The following DTNBP1 variants were observed in gnomAD, a reference collection of about 807,000 sequenced individuals.
The protein encoded by DTNBP1 is dysbindin.
A neutral mutation model predicts 42.8 loss-of-function variants in DTNBP1; 35 were observed. The observed-to-expected ratio is 0.82, with a 90% CI of 0.63 to 1.09. The LOEUF is 1.09. DTNBP1 is among the 50% of genes least tolerant of loss of function. The pLI is 0.00. For missense variants in DTNBP1, 457 were observed against 424.2 expected (o/e 1.08, Z -0.68); for synonymous variants, 171 against 162.2 (o/e 1.05, Z -0.41).
intron 7 of DTNBP1, among the ~76,000 whole-genome samples, chr6:15,565,809 T>G (rs1005493477): frequency 6.6e-6 from 1 of 152,200 alleles, no homozygotes; most frequent in Non-Finnish European, 1.5e-5. Context: ...ATGGTACACT[T>G]AGAATGGGAA....
At chr6:15,625,846 A>G (rs953861710) in intron 5 of DTNBP1, among the ~76,000 whole-genome samples, 1 of 152,230 alleles carries the variant, frequency 6.6e-6, no homozygotes, top group Non-Finnish European at 1.5e-5. Flanking sequence ...AGTGGCTAAG[A>G]AGAATGTTCC....
At chr6:15,583,572 A>G (rs548847326) in intron 7 of DTNBP1, among the ~76,000 whole-genome samples, 1 of 152,320 alleles carries the variant, frequency 6.6e-6, no homozygotes, top group South Asian at 2.1e-4. Context: ...TCAACAGACA[A>G]AGTCTCTTGT....
In DTNBP1 at chr6:15,628,371, C is replaced by A. The variant is rs185668042; in HGVS notation, c.223-896G>T. Among the ~76,000 whole-genome samples the A allele has an allele frequency of 7.1e-5, 10 of 140,832 alleles. No homozygotes were observed. In the East Asian group the frequency reaches 1.7e-3, roughly 23 times the overall value. The allele number at this position is 140,832 out of a possible 152,430, so 92.4% of individuals were successfully genotyped here. A position where few individuals can be genotyped will look rare whatever the true frequency, so the allele number is the denominator to read the frequency against. ...AATGAATTTGAGTATTCAAAACAGA[C>A]AATTTGTACATCTCAAGATTAAGGT... is the stretch of plus-strand genomic sequence containing the variant. On this transcript the variant is annotated intron_variant, in intron 4 of 9. Transcript: ENST00000344537.
intron 7 of DTNBP1, among the ~76,000 whole-genome samples, chr6:15,558,639 C>T (rs767237029): frequency 1.3e-5 from 2 of 152,136 alleles, no homozygotes; most frequent in African/African-American, 2.4e-5. Context: ...AAAGAACTTC[C>T]AACACTCTCT....
chr6:15,544,519 C>T (rs1044065502), intron 7 of DTNBP1, among the ~76,000 whole-genome samples: 2 of 152,198 alleles, frequency 1.3e-5, no homozygotes, highest in Non-Finnish European at 2.9e-5. Context: ...CATTTTACAT[C>T]CCCATCATCA....
chr6:15,651,303 A>G lies in DTNBP1; in HGVS notation c.161+10T>C, dbSNP rs749636871. 2.5e-6 allele frequency: 4 copies of G among 1,611,428 alleles called. No homozygotes were observed. In the East Asian group the frequency reaches 8.9e-5, roughly 36 times the overall value. ...GAAGTATAACCTTCCTCTACAAATG[A>G]AACACTTACCTGCTAAGTAATTCTA... On this transcript the variant is annotated intron_variant, in intron 3 of 9. Coordinates refer to ENST00000344537, the MANE Select transcript of DTNBP1 (RefSeq NM_032122.5).
At chr6:15,627,962 T>C (rs1268174976) in intron 4 of DTNBP1, among the ~76,000 whole-genome samples, 3 of 152,190 alleles carry the variant, frequency 2.0e-5, no homozygotes, top group East Asian at 3.8e-4. Context: ...GGAATACTTA[T>C]TGCATAAAGT....
At chr6:15,584,601 A>G (rs917506804) in intron 7 of DTNBP1, among the ~76,000 whole-genome samples, 1 of 151,894 alleles carries the variant, frequency 6.6e-6, no homozygotes, top group Admixed American at 6.6e-5. Context: ...GGCGTGAGAG[A>G]GGGACACAAA....
At chr6:15,627,713 G>C (rs959611503) in intron 4 of DTNBP1, among the ~76,000 whole-genome samples, 1 of 150,176 alleles carries the variant, frequency 6.7e-6, no homozygotes, top group Non-Finnish European at 1.5e-5. Context: ...AGAAGAGAAA[G>C]TTTAAAAATG....
chr6:15,603,800 G>A (rs1302385032), intron 6 of DTNBP1, among the ~76,000 whole-genome samples: 2 of 152,160 alleles, frequency 1.3e-5, no homozygotes, highest in Non-Finnish European at 2.9e-5. Flanking sequence ...CAGTAATTAT[G>A]AGTTTTCCCA....
Position 15,550,314 on chromosome 6 carries a change from CT to C in DTNBP1, c.512-16920del, listed in dbSNP as rs559477562. On this transcript the variant is annotated intron_variant, in intron 7 of 9. Transcript: ENST00000344537. ...CTTTTCAAGTTTAAGAATGGGTATACTTTTTTGGCAATTTACGAGATAGTAT... is the reference window on the plus strand; with the variant it reads ...CTTTTCAAGTTTAAGAATGGGTATACTTTTTGGCAATTTACGAGATAGTAT... Among the ~76,000 whole-genome samples the C allele has an allele frequency of 2.6e-5, 4 of 152,040 alleles. No individual in the cohort carries two copies. The South Asian group carries it at 8.3e-4, about 32-fold the overall frequency.
intron 1 of DTNBP1, among the ~76,000 whole-genome samples, chr6:15,658,808 T>G (rs1562019186): frequency 6.6e-6 from 1 of 152,202 alleles, no homozygotes; most frequent in Non-Finnish European, 1.5e-5. Flanking sequence ...TCCAAAAGGC[T>G]CCAAGAATTC....
intron 7 of DTNBP1, among the ~76,000 whole-genome samples, chr6:15,583,115 G>C (rs1775909074): frequency 6.6e-6 from 1 of 152,106 alleles, no homozygotes; most frequent in Admixed American, 6.6e-5. Context: ...CAAGTAGGTA[G>C]GGTTACAGGT....
intron 4 of DTNBP1, 27 bp from the exon 5 acceptor site, chr6:15,627,502 G>T (rs1215146174): frequency 6.2e-7 from 1 of 1,613,106 alleles, no homozygotes; most frequent in East Asian, 2.2e-5. Flanking sequence ...GGGGGGTAAA[G>T]TGAAACCAGG....
intron 4 of DTNBP1, among the ~76,000 whole-genome samples, chr6:15,636,834 T>C (rs1760057324): frequency 6.6e-6 from 1 of 152,232 alleles, no homozygotes; most frequent in Non-Finnish European, 1.5e-5. Context: ...CTGTTCTGTT[T>C]TGTTGTGTTG....
intron 6 of DTNBP1, among the ~76,000 whole-genome samples, chr6:15,610,453 T>C (rs1441076481): frequency 6.6e-6 from 1 of 152,172 alleles, no homozygotes; most frequent in African/African-American, 2.4e-5. Context: ...AACCCTACAA[T>C]GGCCTCTAAT....
Position 15,619,907 on chromosome 6 carries a change from C to CTT in DTNBP1, c.356-4510_356-4509dup, listed in dbSNP as rs67536821. On this transcript the variant is annotated intron_variant, in intron 5 of 9. Coordinates refer to ENST00000344537, the MANE Select transcript of DTNBP1 (RefSeq NM_032122.5). Reference sequence around the variant, plus strand: ...TGCTATAAAATAGTAGGTCTTATTCCTTTTTTTTTTTTGACACTTTCTAAT... The same window carrying CTT: ...TGCTATAAAATAGTAGGTCTTATTCCTTTTTTTTTTTTTTGACACTTTCTAAT... 2.8e-4 allele frequency among the ~76,000 whole-genome samples: 40 copies of CTT among 144,742 alleles called. 1 individual carries two copies. Among genetic ancestry groups the CTT allele is most frequent in the Admixed American group, 9.6e-4 (14 of 14,516 alleles). The allele number at this position is 144,742 out of a possible 152,430, so 95.0% of individuals were successfully genotyped here. A position where few individuals can be genotyped will look rare whatever the true frequency, so the allele number is the denominator to read the frequency against.
rs145121122 is a variant in DTNBP1, at chr6:15,654,593, C to T, written c.57-2453G>A. On this transcript the variant is annotated intron_variant, in intron 1 of 9. Coordinates refer to ENST00000344537, the MANE Select transcript of DTNBP1 (RefSeq NM_032122.5). ...ATTGTAATATGCCAAGTTTGGAATT[C>T]TCTTCTCTGCCCCCCTACCCCATCT... Among the ~76,000 whole-genome samples the T allele has an allele frequency of 1.4e-3, 220 of 152,096 alleles. 4 individuals carry two copies. Among genetic ancestry groups the T allele is most frequent in the Admixed American group, 6.7e-3 (103 of 15,280 alleles).
chr6:15,637,214 T>C (rs1052354423), intron 4 of DTNBP1, among the ~76,000 whole-genome samples: 3 of 152,210 alleles, frequency 2.0e-5, no homozygotes, highest in Admixed American at 6.5e-5. Flanking sequence ...ATTTTGGCTA[T>C]GTACATTTAC....
Sources: allele counts gnomAD v4.1 joint callset (sites outside exome capture counted in the v4.1 genomes callset), GRCh38; gene constraint gnomAD v4.1.1; transcripts MANE v1.5; gene names NCBI Gene and HGNC (gene_info 2026-07-23, HGNC 2026-07-21).